The following RFPL2 variants were observed in gnomAD, a reference collection of about 807,000 sequenced individuals.
RFPL2 encodes the protein ret finger protein-like 2.
A neutral mutation model predicts 17.8 loss-of-function variants in RFPL2; 13 were observed. The observed-to-expected ratio is 0.73, with a 90% CI of 0.47 to 1.16. RFPL2 has a LOEUF of 1.16. RFPL2 is among the 50% of genes most tolerant of loss of function. The pLI is 0.00. For missense variants in RFPL2, 431 were observed against 479.3 expected (o/e 0.90, Z 0.94); for synonymous variants, 189 against 180.9 (o/e 1.04, Z -0.36).
rs760118680 is a variant in RFPL2, at chr22:32,205,050, T to G, written c.-443A>C. On this transcript the variant is annotated 5_prime_UTR_variant, in exon 1 of 5. Transcript: ENST00000652607. Reference sequence around the variant, plus strand: ...GGTGGCTTGCCCTTCCAGGCTCATCTGCGTCGGCCTGCGTAGCTGCTCTGT... The same window carrying G: ...GGTGGCTTGCCCTTCCAGGCTCATCGGCGTCGGCCTGCGTAGCTGCTCTGT... 2 of 152,284 alleles carry G rather than the reference T, an allele frequency of 1.3e-5. No individual in the cohort carries two copies. The highest frequency in any genetic ancestry group is 2.9e-5 in the Non-Finnish European group (2 of 68,092). The allele number at this position is 152,284 out of a possible 1,614,324, so 9.4% of individuals were successfully genotyped here. A position where few individuals can be genotyped will look rare whatever the true frequency, so the allele number is the denominator to read the frequency against.
chr22:32,197,649 C>T (rs1299256225), intron 2 of RFPL2, among the ~76,000 whole-genome samples: 1 of 152,154 alleles, frequency 6.6e-6, no homozygotes, highest in Non-Finnish European at 1.5e-5. Context: ...CGAGTGAGAA[C>T]ATGCAGTGTT....
In RFPL2 at chr22:32,190,620, TA is replaced by T; in HGVS notation, c.*151del. The T allele has an allele frequency of 1.3e-6, 1 of 750,650 alleles. No homozygotes were observed. Among genetic ancestry groups the T allele is most frequent in the Non-Finnish European group, 2.0e-6 (1 of 492,260 alleles). The allele number at this position is 750,650 out of a possible 1,614,324, so 46.5% of individuals were successfully genotyped here. On this transcript the variant is annotated 3_prime_UTR_variant, in exon 5 of 5. Coordinates refer to ENST00000652607, the MANE Select transcript of RFPL2 (RefSeq NM_001394555.1). Reference sequence around the variant, plus strand: ...GCAATAATTAATACTTAGGACTCTATAATCTAATCAAATTAGATTAAGTACA... The same window carrying T: ...GCAATAATTAATACTTAGGACTCTATATCTAATCAAATTAGATTAAGTACA...
chr22:32,195,038 A>G (rs1477352133), intron 2 of RFPL2, among the ~76,000 whole-genome samples: 1 of 152,220 alleles, frequency 6.6e-6, no homozygotes, highest in Non-Finnish European at 1.5e-5. Context: ...TGTGTTTTCA[A>G]ATAAAAATTG....
At chr22:32,193,599 T>C (rs1374229360) in intron 3 of RFPL2, 21 of 854,292 alleles carry the variant, frequency 2.5e-5, no homozygotes, top group African/African-American at 5.3e-5. Context: ...CGATGGCTCA[T>C]GCCTGTCCAG....
rs1292877275 is a variant in RFPL2, at chr22:32,202,619, C to T, written c.-99-69G>A. 6 of 1,422,972 alleles carry T rather than the reference C, an allele frequency of 4.2e-6. No individual in the cohort carries two copies. The African/African-American group carries it at 7.2e-5, about 17-fold the overall frequency. 88.1% of individuals were successfully genotyped at this position (1,422,972 alleles called of 1,614,324 possible). On this transcript the variant is annotated intron_variant, in intron 1 of 4. Coordinates refer to ENST00000652607, the MANE Select transcript of RFPL2 (RefSeq NM_001394555.1). Reference sequence around the variant, plus strand: ...ATGCTGGCCACTGGGTGGCAGGGGCCGGTTTCAGCGAAGGTACTCACACCC... The same window carrying T: ...ATGCTGGCCACTGGGTGGCAGGGGCTGGTTTCAGCGAAGGTACTCACACCC...
chr22:32,202,546 A>G lies in RFPL2; in HGVS notation c.-95T>C, dbSNP rs1924039273. 3 of 1,526,218 alleles carry G rather than the reference A, an allele frequency of 2.0e-6. No homozygotes were observed. Among genetic ancestry groups the G allele is most frequent in the African/African-American group, 1.4e-5 (1 of 72,630 alleles). 94.5% of individuals were successfully genotyped at this position (1,526,218 alleles called of 1,614,324 possible). On this transcript the variant is annotated 5_prime_UTR_variant, in exon 2 of 5. Transcript: ENST00000652607. ...GGGCATCCGGGCAGACAAAGCCAGA[A>G]AAGCCTAGAACAGGATGCAGAGTGG...
chr22:32,202,410 G>T lies in RFPL2; in HGVS notation c.42C>A (p.Ser14=). Reference sequence around the variant, plus strand: ...CAGCACATAGACAGATCCTGGATTGGGACACTGCAGTCTCTGGGAAGCCTA... The same window carrying T: ...CAGCACATAGACAGATCCTGGATTGTGACACTGCAGTCTCTGGGAAGCCTA... ...AELGFPETAV[S]QSRICLCAVL... is the part of the protein sequence containing the mutation. The change falls in exon 2 of 5, where the codon TCC becomes TCA. Residue 14 remains serine, a synonymous_variant. Transcript: ENST00000652607. 6.2e-7 allele frequency: 1 copy of T among 1,603,496 alleles called. No individual in the cohort carries two copies. The highest frequency in any genetic ancestry group is 1.1e-5 in the South Asian group (1 of 88,308).
chr22:32,200,410 A>C (rs1476503307), intron 2 of RFPL2, among the ~76,000 whole-genome samples: 3 of 151,948 alleles, frequency 2.0e-5, no homozygotes, highest in African/African-American at 7.3e-5. Context: ...CTAACATATA[A>C]TTTGACACTC....
intron 2 of RFPL2, among the ~76,000 whole-genome samples, chr22:32,201,854 G>A (rs1351865208): frequency 6.6e-6 from 1 of 152,204 alleles, no homozygotes; most frequent in East Asian, 1.9e-4. Context: ...CCAGGGAGGG[G>A]CCGAGGGGCA....
At chr22:32,193,543 G>A in intron 3 of RFPL2, 1 of 1,301,058 alleles carries the variant, frequency 7.7e-7, no homozygotes, top group Non-Finnish European at 9.9e-7. Context: ...ACCCCAGCAA[G>A]AGACTGATTG....
At chr22:32,203,385 A>G (rs1409298259) in intron 1 of RFPL2, 1 of 150,818 alleles carries the variant, frequency 6.6e-6, no homozygotes, top group African/African-American at 2.5e-5. Flanking sequence ...GCAGTGCAGC[A>G]CCAGATAGCG....
chr22:32,197,374 C>T (rs1923442079), intron 2 of RFPL2, among the ~76,000 whole-genome samples: 1 of 152,102 alleles, frequency 6.6e-6, no homozygotes, highest in African/African-American at 2.4e-5. Context: ...CACCCACAGT[C>T]CAGAAGCCAA....
rs1237881858 is a variant in RFPL2, at chr22:32,202,490, C to A, written c.-39G>T. 1 of 1,558,388 alleles carries A rather than the reference C, an allele frequency of 6.4e-7. No homozygotes were observed. On this transcript the variant is annotated 5_prime_UTR_variant, in exon 2 of 5. Transcript: ENST00000652607. ...TGGTGCCACAGGCTCTAGCCTCCAG[C>A]CCGTGGCATGTAGCTCCTTCTCAGG...
At chr22:32,197,141 A>C (rs1316773433) in intron 2 of RFPL2, among the ~76,000 whole-genome samples, 2 of 152,194 alleles carry the variant, frequency 1.3e-5, no homozygotes, top group African/African-American at 4.8e-5. Context: ...ACTCAGGAAG[A>C]TTTGGTCATT....
chr22:32,203,118 C>T (rs1924120576), intron 1 of RFPL2: 1 of 982,494 alleles, frequency 1.0e-6, no homozygotes, highest in Non-Finnish European at 1.2e-6. Flanking sequence ...GCAGTGCAGT[C>T]CCAGATGGCG....
chr22:32,196,596 A>G (rs367664710), intron 2 of RFPL2, among the ~76,000 whole-genome samples: 1 of 152,370 alleles, frequency 6.6e-6, no homozygotes, highest in African/African-American at 2.4e-5. Context: ...GACAGAGTCC[A>G]GTCCTGGTTT....
chr22:32,192,086 C>G (rs1922719634), intron 4 of RFPL2, among the ~76,000 whole-genome samples: 1 of 152,072 alleles, frequency 6.6e-6, no homozygotes, highest in Non-Finnish European at 1.5e-5. Flanking sequence ...GAAGAGGGTT[C>G]CAAACATGAC....
Position 32,190,631 on chromosome 22 carries a change from AATTAG to A in RFPL2, c.*136_*140del. ...TACTTAGGACTCTATAATCTAATCA[AATTAG>A]ATTAAGTACAATCAAGAAATGTCCC... On this transcript the variant is annotated 3_prime_UTR_variant, in exon 5 of 5. Coordinates refer to ENST00000652607, the MANE Select transcript of RFPL2 (RefSeq NM_001394555.1). 10 of 831,468 alleles carry A rather than the reference AATTAG, an allele frequency of 1.2e-5. No homozygotes were observed. The highest frequency in any genetic ancestry group is 1.8e-5 in the Non-Finnish European group (10 of 556,568). The allele number at this position is 831,468 out of a possible 1,614,324, so 51.5% of individuals were successfully genotyped here.
Position 32,202,549 on chromosome 22 carries a change from G to A in RFPL2, c.-98C>T. 6.6e-7 allele frequency: 1 copy of A among 1,520,100 alleles called. No individual in the cohort carries two copies. The highest frequency in any genetic ancestry group is 2.1e-5 in the Admixed American group (1 of 48,526). The allele number at this position is 1,520,100 out of a possible 1,614,324, so 94.2% of individuals were successfully genotyped here. A position where few individuals can be genotyped will look rare whatever the true frequency, so the allele number is the denominator to read the frequency against. On this transcript the variant is annotated splice_region_variant and 5_prime_UTR_variant, in exon 2 of 5. Transcript: ENST00000652607. Reference sequence around the variant, plus strand: ...CATCCGGGCAGACAAAGCCAGAAAAGCCTAGAACAGGATGCAGAGTGGTAA... The same window carrying A: ...CATCCGGGCAGACAAAGCCAGAAAAACCTAGAACAGGATGCAGAGTGGTAA...
Sources: allele counts gnomAD v4.1 joint callset (sites outside exome capture counted in the v4.1 genomes callset), GRCh38; gene constraint gnomAD v4.1.1; transcripts MANE v1.5; gene names NCBI Gene and HGNC (gene_info 2026-07-23, HGNC 2026-07-21).